The following RNF40 variants were observed in gnomAD, a reference collection of about 807,000 sequenced individuals.
The protein encoded by RNF40 is E3 ubiquitin-protein ligase BRE1B.
In RNF40, 39 loss-of-function variants were observed where a neutral mutation model predicts 123.3. That is an observed-to-expected ratio of 0.32 (90% CI 0.24 to 0.41). The LOEUF is 0.41. RNF40 is among the 10% of genes least tolerant of loss of function. The pLI, the probability that RNF40 is intolerant of heterozygous loss-of-function variation, is 1.00. For synonymous variants in RNF40, 538 were observed against 526.0 expected (o/e 1.02, Z -0.31); for missense variants, 1,003 against 1,319.9 (o/e 0.76, Z 3.72).
At chr16:30,770,136 T>C (rs1319396366) in intron 17 of RNF40, among the ~76,000 whole-genome samples, 7 of 150,762 alleles carry the variant, frequency 4.6e-5, no homozygotes, top group Admixed American at 6.6e-5. Flanking sequence ...AGTTGGAGTC[T>C]TGTTCTGTCG....
At chr16:30,761,682 C>T, upstream of RNF40, 1 of 1,535,866 alleles carries the variant, frequency 6.5e-7, no homozygotes, top group Non-Finnish European at 8.7e-7. Context: ...CGCCGCAGCT[C>T]GGAGAGATGT....
rs549266356 is a variant in RNF40, at chr16:30,773,794, A to C, written c.2830-144A>C. Reference sequence around the variant, plus strand: ...TGCACCTCAGTTTGCTCATTCATAGAGTGCTCGTCCTTACCTCCAGGGTTA... The same window carrying C: ...TGCACCTCAGTTTGCTCATTCATAGCGTGCTCGTCCTTACCTCCAGGGTTA... On this transcript the variant is annotated intron_variant, in intron 19 of 19. Transcript: ENST00000324685. 3.9e-6 allele frequency: 3 copies of C among 774,098 alleles called. No homozygotes were observed. In the South Asian group the frequency reaches 5.5e-5, roughly 14 times the overall value. The allele number at this position is 774,098 out of a possible 1,614,324, so 48.0% of individuals were successfully genotyped here. A position where few individuals can be genotyped will look rare whatever the true frequency, so the allele number is the denominator to read the frequency against.
Position 30,772,172 on chromosome 16 carries a change from G to A in RNF40, c.2811G>A (p.Glu937=), listed in dbSNP as rs1303647462. The stretch of plus-strand genomic sequence containing the variant: ...CAGATGCCGACGAAATCCTCCAGGA[G>A]GAGATCAAGGAGTACAAGGTGGGGC... The part of the protein sequence containing the change: ...VYADADEILQ[E]EIKEYKARLT... The change falls in exon 19 of 20, where the codon GAG becomes GAA. Residue 937 remains glutamate, a synonymous_variant. Coordinates refer to ENST00000324685, the MANE Select transcript of RNF40 (RefSeq NM_014771.4). 1.9e-6 allele frequency: 3 copies of A among 1,552,262 alleles called. No homozygotes were observed. Among genetic ancestry groups the A allele is most frequent in the Non-Finnish European group, 2.6e-6 (3 of 1,147,338 alleles).
At chr16:30,762,778 C>A in intron 2 of RNF40, 101 bp downstream of exon 2, 1 of 1,465,386 alleles carries the variant, frequency 6.8e-7, no homozygotes, top group Non-Finnish European at 9.3e-7. Context: ...CCAAGTTTAG[C>A]AAGGTCCGCG....
Position 30,764,427 on chromosome 16 carries a change from C to T in RNF40, c.649+42C>T, listed in dbSNP as rs776140073. ...CATACTGAAGGGGTGTCCATCCCCA[C>T]CTGCATCTTGATGGCACCCCTTCCT... On this transcript the variant is annotated intron_variant, in intron 5 of 19. Coordinates refer to ENST00000324685, the MANE Select transcript of RNF40 (RefSeq NM_014771.4). 1.4e-5 allele frequency: 21 copies of T among 1,535,076 alleles called. 2 individuals are homozygous for T. In the South Asian group the frequency reaches 2.4e-4, roughly 18 times the overall value.
At position 30,776,215 on chromosome 16, in the gene RNF40, A is replaced by G. The variant is rs1044874746; in HGVS notation, c.*2101A>G. ...AAGTAATTCCGCATCGTCTCTCTAG[A>G]TATCTGCGCTAAAGGCCACCCGGTC... is the stretch of plus-strand genomic sequence containing the variant. On this transcript the variant is annotated 3_prime_UTR_variant, in exon 20 of 20. Coordinates refer to ENST00000324685, the MANE Select transcript of RNF40 (RefSeq NM_014771.4). 1 of 152,060 alleles carries G rather than the reference A, an allele frequency of 6.6e-6. No individual in the cohort carries two copies. The highest frequency in any genetic ancestry group is 2.4e-5 in the African/African-American group (1 of 41,392). The allele number at this position is 152,060 out of a possible 1,614,324, so 9.4% of individuals were successfully genotyped here.
In RNF40 at chr16:30,775,282, G is replaced by A. The variant is rs1047014136; in HGVS notation, c.*1168G>A. 1.9e-5 allele frequency: 6 copies of A among 321,374 alleles called. No individual in the cohort carries two copies. Among genetic ancestry groups the A allele is most frequent in the Non-Finnish European group, 3.0e-5 (5 of 164,462 alleles). The allele number at this position is 321,374 out of a possible 1,614,324, so 19.9% of individuals were successfully genotyped here. A position where few individuals can be genotyped will look rare whatever the true frequency, so the allele number is the denominator to read the frequency against. ...CTTTGCTGGCTTGGTGTGAGCCTGG[G>A]AGGGCTCAGACTTAACGGCCGGCAG... On this transcript the variant is annotated 3_prime_UTR_variant, in exon 20 of 20. Coordinates refer to ENST00000324685, the MANE Select transcript of RNF40 (RefSeq NM_014771.4).
chr16:30,770,943 A>C (rs566271791), intron 17 of RNF40, among the ~76,000 whole-genome samples: 27 of 152,142 alleles, frequency 1.8e-4, no homozygotes, highest in South Asian at 1.7e-3. Context: ...AACTCCTGAC[A>C]TCGTGATTTG....
rs574609916 is a variant in RNF40, at chr16:30,764,864, G to A, written c.650-74G>A. 8.2e-5 allele frequency: 128 copies of A among 1,552,822 alleles called. 2 individuals carry two copies. In the South Asian group the frequency reaches 1.5e-3, roughly 18 times the overall value. On this transcript the variant is annotated intron_variant, in intron 5 of 19. Transcript: ENST00000324685. ...GCTGGTGGATCACACTGGGTATATA[G>A]CAGACTCCAGAATGAGTTAGTTGTT...
At chr16:30,773,832 G>A in intron 19 of RNF40, 106 bp from the exon 20 acceptor site, 3 of 1,126,812 alleles carry the variant, frequency 2.7e-6, no homozygotes, top group Non-Finnish European at 3.9e-6. Flanking sequence ...GGAGGATGAG[G>A]TGCAGTCTCC....
intron 19 of RNF40, 93 bp downstream of exon 19, chr16:30,772,283 A>C (rs1384510577): frequency 9.9e-7 from 1 of 1,011,856 alleles, no homozygotes; most frequent in Admixed American, 2.0e-5. Flanking sequence ...CCCTGGAAGT[A>C]ATGTAGGGCA....
At chr16:30,764,512 T>C (rs747603657) in intron 5 of RNF40, 127 bp downstream of exon 5, 5 of 820,308 alleles carry the variant, frequency 6.1e-6, no homozygotes, top group Non-Finnish European at 9.5e-6. Flanking sequence ...AAATCAGCCA[T>C]GTTCTTGGAA....
At chr16:30,772,372 G>C in intron 19 of RNF40, 182 bp downstream of exon 19, 1 of 682,026 alleles carries the variant, frequency 1.5e-6, no homozygotes, top group Non-Finnish European at 2.7e-6. Flanking sequence ...CACAGTGCTT[G>C]GCTGGGTGTG....
chr16:30,770,333 A>G (rs549829544), intron 17 of RNF40, among the ~76,000 whole-genome samples: 1 of 151,826 alleles, frequency 6.6e-6, no homozygotes, highest in African/African-American at 2.4e-5. Flanking sequence ...GCTGGTATCG[A>G]ACTCCTGACC....
chr16:30,763,353 G>A, intron 3 of RNF40, 65 bp from the exon 4 acceptor site: 3 of 1,607,694 alleles, frequency 1.9e-6, no homozygotes, highest in Non-Finnish European at 2.6e-6. Context: ...CCCCTGCTAG[G>A]AAAGGAGTAT....
rs778864656 is a variant in RNF40 at position 30,774,035 on chromosome 16, A to G, written c.2927A>G (p.Tyr976Cys). 16 of 1,613,964 alleles carry G rather than the reference A, an allele frequency of 9.9e-6. No individual in the cohort carries two copies. Among genetic ancestry groups the G allele is most frequent in the Non-Finnish European group, 1.4e-5 (16 of 1,179,912 alleles). ...TGCTTCGAGTGCGTGCGGGGCCGCT[A>G]TGAGGCCCGCCAGAGGAAGTGCCCC... The part of the protein sequence containing the change: ...VFCFECVRGR[Y>C]EARQRKCPKC... The change falls in exon 20 of 20, where the codon TAT (tyrosine) becomes TGT (cysteine). Residue 976 changes from tyrosine (Y) to cysteine (C), a missense_variant. Tyr to Cys is a radical substitution (Grantham distance 194). Transcript: ENST00000324685.
chr16:30,769,203 C>T lies in RNF40; in HGVS notation c.2265C>T (p.Leu755=), dbSNP rs958959239. 1.9e-5 allele frequency: 30 copies of T among 1,614,080 alleles called. No individual in the cohort carries two copies. Among genetic ancestry groups the T allele is most frequent in the Non-Finnish European group, 2.4e-5 (28 of 1,180,030 alleles). Reference sequence around the variant, plus strand: ...TGCTGCAGGAGGAGGAGGCTCTGCTCTCAGAGATGGATGTGACAGGTCAGG... The same window carrying T: ...TGCTGCAGGAGGAGGAGGCTCTGCTTTCAGAGATGGATGTGACAGGTCAGG... ...GATKQEEEAL[L]SEMDVTGQAF... Residue 755 remains leucine, a synonymous_variant, in exon 16 of 20, where the codon CTC becomes CTT. Transcript: ENST00000324685.
intron 11 of RNF40, 102 bp from the exon 12 acceptor site, chr16:30,767,792 C>T: frequency 6.6e-7 from 1 of 1,507,890 alleles, no homozygotes; most frequent in Admixed American, 1.7e-5. Flanking sequence ...TGTTCCCCTC[C>T]TGCACAGTGG....
Position 30,766,690 on chromosome 16 carries a change from C to A in RNF40, c.1294-51C>A. 2 of 1,610,584 alleles carry A rather than the reference C, an allele frequency of 1.2e-6. No individual in the cohort carries two copies. The highest frequency in any genetic ancestry group is 2.2e-5 in the South Asian group (2 of 90,702). ...ATAGATTCTTCCTAAGATACTGAGT[C>A]CTGAGGTGGGACCGAGGGGCTGTGT... On this transcript the variant is annotated intron_variant, in intron 10 of 19. Transcript: ENST00000324685. This position sits in a 1 kb window ranked among gnomAD's most constrained non-coding sequence, Gnocchi z 5.4.
Sources: allele counts gnomAD v4.1 joint callset (sites outside exome capture counted in the v4.1 genomes callset), GRCh38; gene constraint gnomAD v4.1.1; non-coding constraint Gnocchi (gnomAD v3.1); transcripts MANE v1.5; gene names NCBI Gene and HGNC (gene_info 2026-07-23, HGNC 2026-07-21).